Variants in JAK1 observed in about 807,000 individuals in gnomAD.
JAK1 encodes tyrosine-protein kinase JAK1.
JAK1 carries 16 observed loss-of-function variants against 136.6 expected under a neutral mutation model. The observed-to-expected ratio is 0.12, with a 90% CI of 0.08 to 0.18. JAK1 has a LOEUF of 0.18. JAK1 is among the 10% of genes least tolerant of loss of function. The pLI, the probability that JAK1 is intolerant of heterozygous loss-of-function variation, is 1.00. For synonymous variants in JAK1, 492 were observed against 519.5 expected, an observed-to-expected ratio of 0.95 and a Z score of 0.72; for missense variants, 859 against 1,450.1, an observed-to-expected ratio of 0.59 and a Z score of 6.62.
intron 1 of JAK1, among the ~76,000 whole-genome samples, chr1:64,908,365 CT>C (rs1645226184): frequency 6.6e-6 from 1 of 152,220 alleles, no homozygotes; most frequent in African/African-American, 2.4e-5. Flanking sequence ...GGGCTCTCTA[CT>C]GAGCCACCAT....
At chr1:65,035,446 T>C (rs982260342) in intron 2 of JAK1, among the ~76,000 whole-genome samples, 1 of 152,158 alleles carries the variant, frequency 6.6e-6, no homozygotes, top group Non-Finnish European at 1.5e-5. Context: ...AGGTATGAAC[T>C]TGGAGTTGAG....
chr1:64,929,309 T>C (rs755621221), intron 1 of JAK1, among the ~76,000 whole-genome samples: 3 of 152,262 alleles, frequency 2.0e-5, no homozygotes, highest in Admixed American at 2.0e-4. Flanking sequence ...TTAAACAGTG[T>C]GATTCTCCTT....
chr1:64,902,087 G>T (rs370567499), intron 1 of JAK1, among the ~76,000 whole-genome samples: 2 of 152,026 alleles, frequency 1.3e-5, no homozygotes, highest in South Asian at 4.2e-4. Context: ...TATTATCAGG[G>T]GTGTATTCTT....
Position 64,995,533 on chromosome 1 carries a change from G to A in JAK1, c.-78+48947C>T, listed in dbSNP as rs186646737. Among the ~76,000 whole-genome samples, 20 of 152,260 alleles carry A rather than the reference G, an allele frequency of 1.3e-4. No homozygotes were observed. In the East Asian group the frequency reaches 3.9e-3, roughly 29 times the overall value. ...GTTTTTTGTTTGTTTGTTTACTTAA[G>A]GAGGAAGGTAATCCTTTAATAATGC... On this transcript the variant is annotated intron_variant, in intron 2 of 25. Coordinates refer to the JAK1 transcript ENST00000671954.
At chr1:65,009,129 A>G (rs548583162) in intron 2 of JAK1, among the ~76,000 whole-genome samples, 105 of 152,358 alleles carry the variant, frequency 6.9e-4, no homozygotes, top group Non-Finnish European at 1.3e-3. Flanking sequence ...GAATGGTTAA[A>G]GCATCTATGG....
intron 1 of JAK1, among the ~76,000 whole-genome samples, chr1:64,919,864 G>A (rs947434440): frequency 6.6e-5 from 10 of 151,928 alleles, no homozygotes; most frequent in Admixed American, 3.3e-4. Context: ...GGGGCCTGAC[G>A]GACACCCTAG....
chr1:64,924,758 A>C (rs1279840079), intron 1 of JAK1, among the ~76,000 whole-genome samples: 3 of 152,208 alleles, frequency 2.0e-5, no homozygotes, highest in Admixed American at 6.5e-5. Flanking sequence ...CATTCACTTA[A>C]AGCCACAAAC....
chr1:65,064,563 G>A (rs767619704), intron 1 of JAK1, among the ~76,000 whole-genome samples: 2 of 152,192 alleles, frequency 1.3e-5, no homozygotes, highest in Non-Finnish European at 2.9e-5. Context: ...TCAATTCAGG[G>A]ACTGAATGGA....
intron 2 of JAK1, among the ~76,000 whole-genome samples, chr1:65,005,466 T>C (rs867963739): frequency 6.6e-6 from 1 of 152,318 alleles, no homozygotes; most frequent in African/African-American, 2.4e-5. Context: ...GAATAAGTTC[T>C]AGTGTTCTAT....
chr1:64,928,783 A>AAAAAAAC lies in JAK1; in HGVS notation c.-78+37549_-78+37550insGTTTTTT, dbSNP rs1423351947. On this transcript the variant is annotated intron_variant, in intron 1 of 24. Coordinates refer to ENST00000342505, the MANE Select transcript of JAK1 (RefSeq NM_002227.4). ...CTGAGTGCTATAAAACTCTGCAAAA[A>AAAAAAAC]AAAAAAAAAAAAACAAAAAAAAAAA... is the stretch of plus-strand genomic sequence containing the variant. Among the ~76,000 whole-genome samples the AAAAAAAC allele has an allele frequency of 7.2e-4, 88 of 122,890 alleles. 3 individuals carry two copies. The South Asian group carries it at 0.013, about 18-fold the overall frequency. 80.6% of individuals were successfully genotyped at this position (122,890 alleles called of 152,430 possible). A position where few individuals can be genotyped will look rare whatever the true frequency, so the allele number is the denominator to read the frequency against.
chr1:65,055,690 C>T (rs1281124106), intron 1 of JAK1, among the ~76,000 whole-genome samples: 1 of 152,214 alleles, frequency 6.6e-6, no homozygotes, highest in East Asian at 1.9e-4. Context: ...CTCTCTTAAC[C>T]TGCTGGAACA....
At chr1:64,839,907 G>A in intron 19 of JAK1, 112 bp from the exon 20 acceptor site, 1 of 845,090 alleles carries the variant, frequency 1.2e-6, no homozygotes, top group Non-Finnish European at 1.8e-6. Flanking sequence ...GGTTCTCGCT[G>A]TCTGGCCTTG....
intron 1 of JAK1, among the ~76,000 whole-genome samples, chr1:64,887,883 A>G (rs933004493): frequency 2.0e-5 from 3 of 151,806 alleles, no homozygotes; most frequent in African/African-American, 7.3e-5. Flanking sequence ...ACCTCACAAT[A>G]CTCCTTTTTA....
chr1:64,953,586 A>G (rs1646130025), intron 1 of JAK1, among the ~76,000 whole-genome samples: 1 of 152,210 alleles, frequency 6.6e-6, no homozygotes, highest in Admixed American at 6.5e-5. Context: ...AATATTTCAC[A>G]AAAATATACC....
intron 2 of JAK1, among the ~76,000 whole-genome samples, chr1:65,001,152 A>G (rs1044529422): frequency 2.6e-5 from 4 of 152,200 alleles, no homozygotes; most frequent in African/African-American, 9.7e-5. Flanking sequence ...AATGGAGTGG[A>G]CAATTTCCAA....
chr1:65,056,966 C>T (rs1569964947), intron 1 of JAK1, among the ~76,000 whole-genome samples: 1 of 150,100 alleles, frequency 6.7e-6, no homozygotes, highest in East Asian at 1.9e-4. Flanking sequence ...GTTTTTCTCT[C>T]CCTGGCCCCT....
intron 2 of JAK1, chr1:65,022,969 A>C (rs1198734510): frequency 6.6e-6 from 1 of 152,132 alleles, no homozygotes; most frequent in East Asian, 1.9e-4. Context: ...GGAAGCAGTA[A>C]ACATTTAAAA....
At position 64,860,098 on chromosome 1, in the gene JAK1, G is replaced by A. The variant is rs2101071685; in HGVS notation, c.1334+7C>T. The stretch of plus-strand genomic sequence containing the variant: ...CCAAAGGCAACTGATAAGGTTCTAG[G>A]ACCAACCAGATTGGACCATGACAGC... On this transcript the variant is annotated splice_region_variant and intron_variant, in intron 9 of 24. Coordinates refer to ENST00000342505, the MANE Select transcript of JAK1 (RefSeq NM_002227.4). The A allele has an allele frequency of 1.3e-6, 2 of 1,563,170 alleles. No individual in the cohort carries two copies. The highest frequency in any genetic ancestry group is 1.2e-5 in the South Asian group (1 of 83,494).
intron 11 of JAK1, among the ~76,000 whole-genome samples, chr1:64,852,379 G>C (rs1358884015): frequency 6.6e-6 from 1 of 152,212 alleles, no homozygotes; most frequent in African/African-American, 2.4e-5. Context: ...ACAAATGTGG[G>C]TGCCAGAAAC....
Sources: gnomAD v4.1 joint callset for allele counts (sites outside exome capture counted in the v4.1 genomes callset) on GRCh38, gnomAD v4.1.1 for gene constraint, MANE v1.5 for transcripts, NCBI Gene and HGNC (gene_info 2026-07-23, HGNC 2026-07-21) for gene names.